PCNT: variants seen among roughly 807,000 people sequenced by gnomAD.
The protein encoded by PCNT is pericentrin, also known as kendrin.
PCNT carries 319 observed loss-of-function variants against 380.4 expected under a neutral mutation model. The observed-to-expected ratio is 0.84, with a 90% confidence interval of 0.77 to 0.92. PCNT has a LOEUF of 0.92. PCNT is among the 40% of genes least tolerant of loss of function. The pLI is 0.00. For missense variants in PCNT, 4,400 were observed against 4,255.3 expected (o/e 1.03, Z -0.95); for synonymous variants, 1,845 against 1,735.2 (o/e 1.06, Z -1.57).
chr21:46,388,588 C>T lies in PCNT; in HGVS notation c.3465-154C>T, dbSNP rs761153204. On this transcript the variant is annotated intron_variant, in intron 17 of 46. Transcript: ENST00000359568. The surrounding 1 kb of genome is among the most constrained non-coding windows in gnomAD (Gnocchi z 4.2). ...GTCTGTGGCCTCAGCTTCCTGTGCTCACATGGGCATGAGGATCATGTCTTC... is the reference window on the plus strand; with the variant it reads ...GTCTGTGGCCTCAGCTTCCTGTGCTTACATGGGCATGAGGATCATGTCTTC... Among the ~76,000 whole-genome samples, 33 of 152,356 alleles carry T rather than the reference C, an allele frequency of 2.2e-4. 1 individual carries two copies. The highest frequency in any genetic ancestry group is 1.8e-3 in the Admixed American group (28 of 15,306).
At chr21:46,386,977 C>T (rs1010800107) in intron 17 of PCNT, among the ~76,000 whole-genome samples, 6 of 152,024 alleles carry the variant, frequency 3.9e-5, no homozygotes, top group Admixed American at 2.0e-4. Flanking sequence ...CTTCTGGGTC[C>T]AGCCACTGCT....
chr21:46,353,405 T>A, intron 10 of PCNT, 79 bp downstream of exon 10: 1 of 1,194,240 alleles, frequency 8.4e-7, no homozygotes, highest in Non-Finnish European at 1.2e-6. Context: ...GTTTTGTTGG[T>A]GATTTCATGC....
chr21:46,422,752 C>T (rs972566991), intron 32 of PCNT, among the ~76,000 whole-genome samples: 2 of 152,128 alleles, frequency 1.3e-5, no homozygotes, highest in Admixed American at 6.5e-5. Context: ...TCTGAGACTG[C>T]GCAGTAAGTC....
chr21:46,327,008 C>T (rs1215752508), intron 2 of PCNT, among the ~76,000 whole-genome samples: 1 of 148,428 alleles, frequency 6.7e-6, no homozygotes, highest in South Asian at 2.1e-4. Flanking sequence ...GCGAGACTCT[C>T]TCTCAAAAAA....
Position 46,334,547 on chromosome 21 carries a change from C to T in PCNT, c.418C>T (p.Pro140Ser), listed in dbSNP as rs774241611. 6.4e-5 allele frequency: 102 copies of T among 1,599,340 alleles called. No homozygotes were observed. Among genetic ancestry groups the T allele is most frequent in the Non-Finnish European group, 8.4e-5 (98 of 1,169,758 alleles). ...GATGTTCACAGTCGGTGACCACCCA[C>T]CAGAACAGCGTGGGATGTTCACAGT... The part of the protein sequence containing the change: ...HGMFTVGDHP[P>S]EQRGMFTVSD... The change falls in exon 3 of 47, where the codon CCA becomes TCA. Residue 140 changes from proline (P) to serine (S), a missense_variant. By Grantham distance (74) the Pro-to-Ser change is moderately conservative. Transcript: ENST00000359568.
At position 46,357,113 on chromosome 21, in the gene PCNT, T is replaced by G. The variant is rs1488206342; in HGVS notation, c.2076T>G (p.Ile692Met). 1 of 1,613,860 alleles carries G rather than the reference T, an allele frequency of 6.2e-7. No homozygotes were observed. The highest frequency in any genetic ancestry group is 8.5e-7 in the Non-Finnish European group (1 of 1,179,850). ...SLLQTELKEE[I>M]ELLKIENRNL... ...TTCAGACTGAGCTCAAAGAAGAAAT[T>G]GAACTCCTAAAAATAGAAAATAGAA... The change falls in exon 13 of 47, where the codon ATT becomes ATG. Residue 692 changes from isoleucine (I) to methionine (M), a missense_variant. Coordinates refer to ENST00000359568, the MANE Select transcript of PCNT (RefSeq NM_006031.6).
At chr21:46,415,154 C>T (rs987751935) in intron 29 of PCNT, among the ~76,000 whole-genome samples, 4 of 152,210 alleles carry the variant, frequency 2.6e-5, no homozygotes, top group Admixed American at 2.0e-4. Flanking sequence ...GTCCACACTG[C>T]GTGCACCTCA....
chr21:46,437,047 T>C lies in PCNT; in HGVS notation c.9065T>C (p.Leu3022Pro). 6.2e-7 allele frequency: 1 copy of C among 1,614,156 alleles called. No individual in the cohort carries two copies. Among genetic ancestry groups the C allele is most frequent in the Non-Finnish European group, 8.5e-7 (1 of 1,179,988 alleles). ...TCTTTACTGCACACGTTGGAGGAGC[T>C]GAAGTCTGACTTGAGCAGGCCCACC... is the stretch of plus-strand genomic sequence containing the variant. ...VMSLLHTLEE[L>P]KSDLSRPTSS... The change falls in exon 40 of 47, where the codon CTG becomes CCG. Residue 3022 changes from leucine to proline, a missense_variant. Leu to Pro is a moderately conservative substitution (Grantham distance 98). Coordinates refer to ENST00000359568, the MANE Select transcript of PCNT (RefSeq NM_006031.6).
chr21:46,379,424 G>A (rs1172408414), intron 15 of PCNT, among the ~76,000 whole-genome samples: 6 of 152,254 alleles, frequency 3.9e-5, no homozygotes, highest in Non-Finnish European at 8.8e-5. Flanking sequence ...GCTGTGATGG[G>A]TGAAGTGTGG....
At chr21:46,435,744 G>A (rs1358688960) in intron 38 of PCNT, among the ~76,000 whole-genome samples, 160 bp from the exon 39 acceptor site, 2 of 151,870 alleles carry the variant, frequency 1.3e-5, no homozygotes, top group African/African-American at 2.4e-5. Context: ...GGGTTTCACT[G>A]TGTTGGCCAG....
At chr21:46,417,095 C>T (rs1210421460) in intron 30 of PCNT, among the ~76,000 whole-genome samples, 2 of 151,936 alleles carry the variant, frequency 1.3e-5, no homozygotes, top group South Asian at 2.1e-4. Context: ...CTGACTCCAA[C>T]GGGCATAGCC....
At position 46,445,344 on chromosome 21, in the gene PCNT, CT is replaced by C; in HGVS notation, c.*20del. On this transcript the variant is annotated 3_prime_UTR_variant, in exon 47 of 47. Coordinates refer to ENST00000359568, the MANE Select transcript of PCNT (RefSeq NM_006031.6). ...AAACAGTGAATAAAATGTCATGGCT[CT>C]TTCCTGCGACAATTCTATTTGAGGA... 6.3e-7 allele frequency: 1 copy of C among 1,584,078 alleles called. No homozygotes were observed. Among genetic ancestry groups the C allele is most frequent in the Non-Finnish European group, 8.7e-7 (1 of 1,152,456 alleles).
At chr21:46,409,607 A>G (rs1357190769) in intron 27 of PCNT, among the ~76,000 whole-genome samples, 1 of 150,650 alleles carries the variant, frequency 6.6e-6, no homozygotes, top group Admixed American at 6.6e-5. Flanking sequence ...TTTGCTTTTT[A>G]TTTTTCTTTT....
rs779121945 is a variant in PCNT, at chr21:46,412,837, G to A, written c.5995G>A (p.Gly1999Ser). The A allele has an allele frequency of 4.4e-5, 71 of 1,611,098 alleles. No individual in the cohort carries two copies. Among genetic ancestry groups the A allele is most frequent in the Non-Finnish European group, 5.8e-5 (68 of 1,180,026 alleles). ...ALEPVVPDPQ[G>S]DLQPVLVTLK... The stretch of plus-strand genomic sequence containing the variant: ...GCTTTCCTCTGTCTCCTCTGTCAAG[G>A]GTGATCTGCAGCCTGTCCTGGTGAC... The change falls in exon 29 of 47, where the codon GGT becomes AGT. Residue 1999 changes from glycine to serine, a missense_variant and splice_region_variant. By Grantham distance (56) the Gly-to-Ser change is moderately conservative. Transcript: ENST00000359568.
chr21:46,440,417 C>T (rs773830446), intron 42 of PCNT, among the ~76,000 whole-genome samples: 3 of 152,198 alleles, frequency 2.0e-5, no homozygotes, highest in Non-Finnish European at 4.4e-5. Context: ...AAGCGTGGAA[C>T]GTGGAAGGCT....
At chr21:46,381,875 G>T (rs140923662) in intron 16 of PCNT, 35 bp downstream of exon 16, 3 of 1,609,394 alleles carry the variant, frequency 1.9e-6, no homozygotes, top group Admixed American at 1.7e-5. Context: ...GTGATAAGAC[G>T]TGTATAGCAT....
rs370664761 is a variant in PCNT, at chr21:46,411,928, C to G, written c.5855C>G (p.Ala1952Gly). The G allele has an allele frequency of 1.3e-6, 2 of 1,591,626 alleles. No homozygotes were observed. Among genetic ancestry groups the G allele is most frequent in the Admixed American group, 1.7e-5 (1 of 59,060 alleles). ...CAGGTGGAGCTGGACAGGCGGCAGG[C>G]CCGCAGAGCCACAGCTCACACACGG... Reference protein sequence around the residue: ...RCQVELDRRQARRATAHTRVP... With the variant: ...RCQVELDRRQGRRATAHTRVP... Residue 1952 changes from alanine to glycine, a missense_variant, in exon 28 of 47, where the codon GCC becomes GGC. Coordinates refer to ENST00000359568, the MANE Select transcript of PCNT (RefSeq NM_006031.6).
intron 3 of PCNT, among the ~76,000 whole-genome samples, chr21:46,336,060 T>C: frequency 6.6e-6 from 1 of 151,998 alleles, no homozygotes; most frequent in Non-Finnish European, 1.5e-5. Context: ...CACTGCAACC[T>C]CCGCCTCCCA....
At chr21:46,390,592 A>G in intron 19 of PCNT, 78 bp from the exon 20 acceptor site, 1 of 1,491,818 alleles carries the variant, frequency 6.7e-7, no homozygotes, top group South Asian at 1.1e-5. Flanking sequence ...TGGGGGTAGA[A>G]GTGGCGTTCT....
Sources: gnomAD v4.1 joint callset for allele counts (sites outside exome capture counted in the v4.1 genomes callset) on GRCh38, gnomAD v4.1.1 for gene constraint, Gnocchi (gnomAD v3.1) non-coding constraint, MANE v1.5 for transcripts, NCBI Gene and HGNC (gene_info 2026-07-23, HGNC 2026-07-21) for gene names.